CPNE4: variants seen among roughly 807,000 people sequenced by gnomAD.
CPNE4 encodes the protein copine-4.
Under a neutral mutation model 67.9 loss-of-function variants are expected in CPNE4, and 25 were observed. The observed-to-expected ratio is 0.37, with a 90% CI of 0.27 to 0.51. The LOEUF is 0.51. CPNE4 is among the 20% of genes least tolerant of loss of function. CPNE4 has a pLI of 0.93. For missense variants in CPNE4, 464 were observed against 690.8 expected (o/e 0.67, Z 3.68); for synonymous variants, 242 against 244.9 (o/e 0.99, Z 0.11).
At chr3:131,854,229 G>A (rs1264286803) in intron 2 of CPNE4, among the ~76,000 whole-genome samples, 1 of 151,746 alleles carries the variant, frequency 6.6e-6, no homozygotes, top group Non-Finnish European at 1.5e-5. Flanking sequence ...AAACAACACA[G>A]ATAAATCTCT....
intron 1 of CPNE4, among the ~76,000 whole-genome samples, chr3:132,025,427 C>T (rs1160626271): frequency 1.3e-5 from 2 of 152,134 alleles, no homozygotes; most frequent in Non-Finnish European, 2.9e-5. Context: ...CTTGAGTCAC[C>T]TTTTGTGGCT....
intron 2 of CPNE4, among the ~76,000 whole-genome samples, chr3:131,818,124 A>G (rs2084816728): frequency 6.6e-6 from 1 of 152,226 alleles, no homozygotes; most frequent in Non-Finnish European, 1.5e-5. Context: ...AAATTTTTCA[A>G]TGCCTTACTG....
At chr3:131,944,595 CCT>C (rs1350502033) in intron 1 of CPNE4, among the ~76,000 whole-genome samples, 1 of 151,976 alleles carries the variant, frequency 6.6e-6, no homozygotes, top group Admixed American at 6.6e-5. Flanking sequence ...AGCTGCTATT[CCT>C]CTCTCTCCCT....
intron 2 of CPNE4, among the ~76,000 whole-genome samples, chr3:131,727,742 T>G (rs1425620925): frequency 1.3e-5 from 2 of 152,224 alleles, no homozygotes; most frequent in African/African-American, 4.8e-5. Context: ...CTCCTATGTA[T>G]CCTCATCCTC....
At position 131,696,464 on chromosome 3, in the gene CPNE4, A is replaced by T. The variant is rs1291067732; in HGVS notation, c.507+78T>A. On this transcript the variant is annotated intron_variant, in intron 5 of 15. Coordinates refer to ENST00000429747, the MANE Select transcript of CPNE4 (RefSeq NM_130808.3). ...ATAATGTGGGTGGAAAGGGAAAAAT[A>T]GTTGCAGGGGGAAATCTGATTAAAC... 2.2e-6 allele frequency: 3 copies of T among 1,356,124 alleles called. No homozygotes were observed. The African/African-American group carries it at 4.3e-5, about 20-fold the overall frequency. 84.0% of individuals were successfully genotyped at this position (1,356,124 alleles called of 1,614,324 possible).
At chr3:131,942,564 G>A (rs1380815411) in intron 1 of CPNE4, among the ~76,000 whole-genome samples, 6 of 150,172 alleles carry the variant, frequency 4.0e-5, no homozygotes, top group Non-Finnish European at 8.9e-5. Flanking sequence ...TCTTATTCCA[G>A]TGCCTTTGAT....
Position 131,694,906 on chromosome 3 carries a change from C to T in CPNE4, c.507+1636G>A, listed in dbSNP as rs114112187. Among the ~76,000 whole-genome samples, 929 of 152,266 alleles carry T rather than the reference C, an allele frequency of 6.1e-3. 8 individuals are homozygous for T. The highest frequency in any genetic ancestry group is 0.021 in the African/African-American group (870 of 41,556). ...TGACCCTCACAATCATTAGCTATAA[C>T]GGAATAGTTCTTCATTTAGGTTGCT... On this transcript the variant is annotated intron_variant, in intron 5 of 15. Transcript: ENST00000429747.
Position 131,741,594 on chromosome 3 carries a change from C to G in CPNE4, c.181-17969G>C, listed in dbSNP as rs144478980. Among the ~76,000 whole-genome samples, 32 of 152,132 alleles carry G rather than the reference C, an allele frequency of 2.1e-4. No homozygotes were observed. The East Asian group carries it at 6.2e-3, about 29-fold the overall frequency. The stretch of plus-strand genomic sequence containing the variant: ...GAAATAAGTTTTCTGAAAAATCTTA[C>G]GTTACTGAAACAGGGAACACATAAA... On this transcript the variant is annotated intron_variant, in intron 2 of 15. Transcript: ENST00000429747.
intron 2 of CPNE4, among the ~76,000 whole-genome samples, chr3:131,858,488 A>G (rs2107661010): frequency 6.6e-6 from 1 of 152,286 alleles, no homozygotes; most frequent in African/African-American, 2.4e-5. Flanking sequence ...TTTACTGTAA[A>G]CACAAGGAGA....
At chr3:131,691,684 C>G (rs1039167207) in intron 5 of CPNE4, among the ~76,000 whole-genome samples, 1 of 152,012 alleles carries the variant, frequency 6.6e-6, no homozygotes, top group African/African-American at 2.4e-5. Flanking sequence ...CATGTAATCT[C>G]TGCATCTAAA....
At chr3:131,818,880 T>G (rs1442575211) in intron 2 of CPNE4, among the ~76,000 whole-genome samples, 1 of 152,134 alleles carries the variant, frequency 6.6e-6, no homozygotes, top group Non-Finnish European at 1.5e-5. Context: ...GGCAGGCAGA[T>G]CACGAGGTCA....
At chr3:132,013,291 C>A (rs2073816024) in intron 1 of CPNE4, among the ~76,000 whole-genome samples, 2 of 152,044 alleles carry the variant, frequency 1.3e-5, no homozygotes, top group Non-Finnish European at 1.5e-5. Context: ...TGAGTTAAAC[C>A]TGAATAACCG....
intron 1 of CPNE4, among the ~76,000 whole-genome samples, chr3:132,005,406 T>C (rs1286377654): frequency 1.4e-5 from 2 of 147,668 alleles, no homozygotes; most frequent in Admixed American, 1.4e-4. Context: ...ATATATATAA[T>C]AGCTATAGGC....
rs958963997 is a variant in CPNE4, at chr3:131,815,126, C to A, written c.180+90138G>T. On this transcript the variant is annotated intron_variant, in intron 2 of 15. Coordinates refer to ENST00000429747, the MANE Select transcript of CPNE4 (RefSeq NM_130808.3). ...AAGGTGGTAAATGTGGATGTGGTAG[C>A]AATCTAAAAATATCCATAAGATGTA... 5.3e-5 allele frequency among the ~76,000 whole-genome samples: 8 copies of A among 152,060 alleles called. No homozygotes were observed. The South Asian group carries it at 1.5e-3, about 28-fold the overall frequency.
intron 7 of CPNE4, among the ~76,000 whole-genome samples, chr3:131,599,989 G>T (rs1330331565): frequency 6.6e-6 from 1 of 152,144 alleles, no homozygotes; most frequent in Non-Finnish European, 1.5e-5. Context: ...TGAAACAAGA[G>T]CCCCAGGAAT....
chr3:131,788,490 A>G (rs1286813185), intron 2 of CPNE4, among the ~76,000 whole-genome samples: 1 of 152,176 alleles, frequency 6.6e-6, no homozygotes, highest in African/African-American at 2.4e-5. Context: ...GATAGATTTT[A>G]AAAAGGTAAT....
chr3:131,684,365 A>G (rs989676528), intron 6 of CPNE4, among the ~76,000 whole-genome samples: 1 of 152,200 alleles, frequency 6.6e-6, no homozygotes, highest in African/African-American at 2.4e-5. Flanking sequence ...CTGCACCTCA[A>G]TTTATTCTTC....
chr3:131,779,468 C>T (rs889926233), intron 2 of CPNE4, among the ~76,000 whole-genome samples: 1 of 151,980 alleles, frequency 6.6e-6, no homozygotes, highest in African/African-American at 2.4e-5. Context: ...TGGCATGGTA[C>T]TCGTAGAAAA....
chr3:131,858,511 T>C (rs1283822941), intron 2 of CPNE4, among the ~76,000 whole-genome samples: 1 of 152,162 alleles, frequency 6.6e-6, no homozygotes, highest in Non-Finnish European at 1.5e-5. Flanking sequence ...TGCTTTTATT[T>C]TACTTATCAT....
Sources: gnomAD v4.1 joint callset for allele counts (sites outside exome capture counted in the v4.1 genomes callset) on GRCh38, gnomAD v4.1.1 for gene constraint, MANE v1.5 for transcripts, NCBI Gene and HGNC (gene_info 2026-07-23, HGNC 2026-07-21) for gene names.